The following IKZF3 variants were observed in gnomAD, a reference collection of about 807,000 sequenced individuals.
IKZF3 encodes the protein IKAROS family zinc finger 3, also known as zinc finger protein Aiolos.
A neutral mutation model predicts 49.0 loss-of-function variants in IKZF3; 10 were observed. The ratio of observed to expected loss-of-function variants is 0.20; its 90% CI spans 0.13 to 0.35. The LOEUF (loss-of-function observed/expected upper bound fraction) is 0.35, where lower values mean the gene tolerates loss of function less well. Ranked by LOEUF, IKZF3 falls within the 10% of genes least tolerant of loss-of-function variation. The pLI is 1.00. For missense variants in IKZF3, 498 were observed against 664.8 expected (o/e 0.75, Z 2.76); for synonymous variants, 209 against 228.2 (o/e 0.92, Z 0.76).
At chr17:39,766,543 G>C (rs1274406110) in intron 7 of IKZF3, 50 bp from the exon 8 acceptor site, 1 of 1,464,138 alleles carries the variant, frequency 6.8e-7, no homozygotes, top group African/African-American at 1.4e-5. Flanking sequence ...CCAAGGCAGA[G>C]AGTTTGTAAA....
In IKZF3 at chr17:39,792,721, A is replaced by C. The variant is rs779057531; in HGVS notation, c.376T>G (p.Ser126Ala). 72 of 1,614,074 alleles carry C rather than the reference A, an allele frequency of 4.5e-5. No homozygotes were observed. Among genetic ancestry groups the C allele is most frequent in the Non-Finnish European group, 5.6e-5 (66 of 1,180,012 alleles). ...ATTAAGACATTGAAGCTGATGCAGG[A>C]TAATCCACACACATCGCAGTTCATC... ...GKMNCDVCGL[S>A]CISFNVLMVH... The change falls in exon 4 of 8, where the codon TCC (serine) becomes GCC (alanine). Residue 126 changes from serine (S) to alanine (A), a missense_variant. This residue lies in a region of IKZF3 where 84 missense variants were observed against 168.6 expected (regional missense o/e 0.50). Transcript: ENST00000346872.
chr17:39,792,502 G>A (rs2061050692), intron 4 of IKZF3, among the ~76,000 whole-genome samples, 171 bp downstream of exon 4: 2 of 152,176 alleles, frequency 1.3e-5, no homozygotes, highest in African/African-American at 2.4e-5. Context: ...CAAATGCATG[G>A]TGAGGCAGGA....
chr17:39,781,719 C>T (rs1189848550), intron 6 of IKZF3, among the ~76,000 whole-genome samples: 2 of 152,190 alleles, frequency 1.3e-5, no homozygotes, highest in African/African-American at 2.4e-5. Context: ...AGTGTGGACA[C>T]ATTGACCTAA....
At position 39,831,900 on chromosome 17, in the gene IKZF3, T is replaced by A. The variant is rs112630249; in HGVS notation, c.61+198A>T. On this transcript the variant is annotated intron_variant, in intron 2 of 7. Coordinates refer to ENST00000346872, the MANE Select transcript of IKZF3 (RefSeq NM_012481.5). ...TGATCAACATTAGGTAGTGTATGTT[T>A]GGCCCTAAGATGCTAAAGAACTTAC... Among the ~76,000 whole-genome samples, 971 of 152,328 alleles carry A rather than the reference T, an allele frequency of 6.4e-3. 10 individuals carry two copies. Among genetic ancestry groups the A allele is most frequent in the African/African-American group, 0.022 (898 of 41,570 alleles).
In IKZF3 at chr17:39,766,206, G is replaced by A. The variant is rs1365815471; in HGVS notation, c.1114C>T (p.Pro372Ser). 6.2e-7 allele frequency: 1 copy of A among 1,614,002 alleles called. No homozygotes were observed. The highest frequency in any genetic ancestry group is 8.5e-7 in the Non-Finnish European group (1 of 1,180,032). The change falls in exon 8 of 8, where the codon CCT becomes TCT. Residue 372 changes from proline to serine, a missense_variant. Coordinates refer to ENST00000346872, the MANE Select transcript of IKZF3 (RefSeq NM_012481.5). ...TTGGGAGAGAGGCCTCTCTCAGAAG[G>A]CACGCTCTTCTCTGGAAGGTGGATG... ...KSIHLPEKSV[P>S]SERGLSPNNS...
At chr17:39,859,124 T>G (rs906428527) in intron 1 of IKZF3, among the ~76,000 whole-genome samples, 140 of 151,814 alleles carry the variant, frequency 9.2e-4, no homozygotes, top group African/African-American at 3.3e-3. Context: ...ATTTTTTAAG[T>G]AACTTTTTAA....
chr17:39,825,951 A>T (rs1030418063), intron 3 of IKZF3, among the ~76,000 whole-genome samples: 1 of 152,164 alleles, frequency 6.6e-6, no homozygotes, highest in Non-Finnish European at 1.5e-5. Flanking sequence ...TGACTTTGGA[A>T]CTATGTGAGG....
At position 39,766,270 on chromosome 17, in the gene IKZF3, C is replaced by A. The variant is rs2060289244; in HGVS notation, c.1050G>T (p.Glu350Asp). ...SMYPIALTRA[E>D]MSNGAPQELE... ...GCTCTTGAGGGGCACCGTTTGACAT[C>A]TCAGCCCGGGTGAGGGCTATGGGAT... is the stretch of plus-strand genomic sequence containing the variant. The change falls in exon 8 of 8, where the codon GAG becomes GAT. Residue 350 changes from glutamate to aspartate, a missense_variant. This residue lies in a region of IKZF3 where 317 missense variants were observed against 397.3 expected (regional missense o/e 0.80). Transcript: ENST00000346872. 1 of 1,614,116 alleles carries A rather than the reference C, an allele frequency of 6.2e-7. No homozygotes were observed. Among genetic ancestry groups the A allele is most frequent in the African/African-American group, 1.3e-5 (1 of 74,932 alleles).
At chr17:39,811,090 A>G (rs538759046) in intron 3 of IKZF3, among the ~76,000 whole-genome samples, 1 of 152,090 alleles carries the variant, frequency 6.6e-6, no homozygotes, top group Admixed American at 6.6e-5. Flanking sequence ...TTAAAAAATT[A>G]GCAGGGCATG....
At chr17:39,771,929 T>C (rs1051044083) in intron 7 of IKZF3, among the ~76,000 whole-genome samples, 5 of 151,702 alleles carry the variant, frequency 3.3e-5, no homozygotes, top group African/African-American at 1.2e-4. Context: ...TTTTTTTTTT[T>C]CAGAGACAGA....
At chr17:39,857,788 A>G (rs2063103753) in intron 1 of IKZF3, among the ~76,000 whole-genome samples, 2 of 152,132 alleles carry the variant, frequency 1.3e-5, no homozygotes, top group Non-Finnish European at 2.9e-5. Flanking sequence ...CAGGCCTACT[A>G]TGTGCTGGGG....
chr17:39,810,606 G>A (rs1479117037), intron 3 of IKZF3, among the ~76,000 whole-genome samples: 9 of 139,494 alleles, frequency 6.5e-5, no homozygotes, highest in Non-Finnish European at 1.2e-4. Context: ...CCCATTATAT[G>A]TATCTGCAGC....
chr17:39,766,091 C>G lies in IKZF3; in HGVS notation c.1229G>C (p.Arg410Pro). The G allele has an allele frequency of 6.2e-7, 1 of 1,614,100 alleles. No individual in the cohort carries two copies. The highest frequency in any genetic ancestry group is 1.1e-5 in the South Asian group (1 of 91,070). The change falls in exon 8 of 8, where the codon CGG (arginine) becomes CCG (proline). Residue 410 changes from arginine to proline, a missense_variant. Arg to Pro is a moderately radical substitution (Grantham distance 103). Transcript: ENST00000346872. ...CAGAAGTGGCATCCCATTGCGGGCCCGAGACAGGACCATGTGATTTTGCTG... is the reference window on the plus strand; with the variant it reads ...CAGAAGTGGCATCCCATTGCGGGCCGGAGACAGGACCATGTGATTTTGCTG... ...IYQQNHMVLS[R>P]ARNGMPLLKE...
At chr17:39,836,765 C>G (rs933565227) in intron 1 of IKZF3, among the ~76,000 whole-genome samples, 1 of 152,148 alleles carries the variant, frequency 6.6e-6, no homozygotes, top group Non-Finnish European at 1.5e-5. Context: ...AGGCCCATTT[C>G]CTACCCTCCA....
intron 3 of IKZF3, among the ~76,000 whole-genome samples, chr17:39,817,598 C>T (rs532874501): frequency 9.2e-5 from 14 of 152,198 alleles, no homozygotes; most frequent in African/African-American, 2.2e-4. Flanking sequence ...GTCACAGTAC[C>T]GGGCCTAACT....
chr17:39,845,193 T>G (rs1051518222), intron 1 of IKZF3, among the ~76,000 whole-genome samples: 1 of 152,156 alleles, frequency 6.6e-6, no homozygotes, highest in Admixed American at 6.6e-5. Flanking sequence ...CACTTGAACA[T>G]TTTACAAAAT....
Position 39,851,621 on chromosome 17 carries a change from G to A in IKZF3, c.7+12499C>T, listed in dbSNP as rs929837855. Among the ~76,000 whole-genome samples the A allele has an allele frequency of 4.6e-5, 7 of 151,986 alleles. No individual in the cohort carries two copies. In the South Asian group the frequency reaches 1.5e-3, roughly 32 times the overall value. On this transcript the variant is annotated intron_variant, in intron 1 of 7. Coordinates refer to ENST00000346872, the MANE Select transcript of IKZF3 (RefSeq NM_012481.5). ...TCAACAACAGGGAAACTATCTATGA[G>A]GATACAAGTCTGAATAGTGATTAAT... is the stretch of plus-strand genomic sequence containing the variant.
At chr17:39,840,300 G>T (rs990265395) in intron 1 of IKZF3, among the ~76,000 whole-genome samples, 12 of 152,188 alleles carry the variant, frequency 7.9e-5, no homozygotes, top group Non-Finnish European at 1.5e-4. Context: ...TGCTGTGGTT[G>T]TTATGGTTTG....
intron 1 of IKZF3, among the ~76,000 whole-genome samples, chr17:39,863,421 C>A (rs563670618): frequency 6.6e-6 from 1 of 152,048 alleles, no homozygotes; most frequent in Non-Finnish European, 1.5e-5. Flanking sequence ...CCATCCCCCC[C>A]CGAGTTGAGA....
Sources: allele counts gnomAD v4.1 joint callset (sites outside exome capture counted in the v4.1 genomes callset), GRCh38; gene constraint gnomAD v4.1.1; regional missense constraint gnomAD v4.1.1; transcripts MANE v1.5; gene names NCBI Gene and HGNC (gene_info 2026-07-23, HGNC 2026-07-21).